CREB5: variants seen among roughly 807,000 people sequenced by gnomAD.
The protein encoded by CREB5 is cyclic AMP-responsive element-binding protein 5.
Under a neutral mutation model 57.1 loss-of-function variants are expected in CREB5, and 19 were observed. That is an observed-to-expected ratio of 0.33 (90% CI 0.23 to 0.49). CREB5 has a LOEUF of 0.49. CREB5 is among the 20% of genes least tolerant of loss of function. CREB5 has a pLI of 0.99. For synonymous variants in CREB5, 238 were observed against 238.3 expected, an observed-to-expected ratio of 1.00 and a Z score of 0.01; for missense variants, 579 against 671.6, an observed-to-expected ratio of 0.86 and a Z score of 1.52.
At chr7:28,425,243 A>G (rs1159623482) in intron 1 of CREB5, among the ~76,000 whole-genome samples, 4 of 152,188 alleles carry the variant, frequency 2.6e-5, no homozygotes, top group African/African-American at 9.7e-5. Context: ...GTGCATCCAT[A>G]TATTGAAAAA....
At chr7:28,327,561 G>T (rs1230679730) in intron 1 of CREB5, among the ~76,000 whole-genome samples, 1 of 152,156 alleles carries the variant, frequency 6.6e-6, no homozygotes, top group Non-Finnish European at 1.5e-5. Flanking sequence ...CTTATTAATA[G>T]CATTACTTAT....
intron 4 of CREB5, among the ~76,000 whole-genome samples, chr7:28,529,878 G>A (rs1004487743): frequency 2.0e-5 from 3 of 152,086 alleles, no homozygotes; most frequent in African/African-American, 4.8e-5. Flanking sequence ...TTTCTTCTAC[G>A]GTGAGGCTAT....
chr7:28,396,687 C>T (rs1418933434), intron 1 of CREB5, among the ~76,000 whole-genome samples: 3 of 152,084 alleles, frequency 2.0e-5, no homozygotes, highest in African/African-American at 2.4e-5. Context: ...TTAGTTTAAT[C>T]ATTTTAATTG....
At chr7:28,437,851 T>C (rs1174030526) in intron 1 of CREB5, among the ~76,000 whole-genome samples, 1 of 152,154 alleles carries the variant, frequency 6.6e-6, no homozygotes, top group East Asian at 1.9e-4. Context: ...CTTTGTATGA[T>C]GTATTTGGAA....
chr7:28,736,417 C>T (rs1051201012), intron 7 of CREB5, among the ~76,000 whole-genome samples: 22 of 152,242 alleles, frequency 1.4e-4, no homozygotes, highest in African/African-American at 4.3e-4. Context: ...GATCCGCCTG[C>T]CTCAGCCTCC....
At chr7:28,411,937 G>A (rs373654420), upstream of CREB5, among the ~76,000 whole-genome samples, 8 of 148,862 alleles carry the variant, frequency 5.4e-5, no homozygotes, top group African/African-American at 1.8e-4. Flanking sequence ...TCTTGTTTGT[G>A]ATGCATAGAC....
At chr7:28,625,968 T>A (rs1230444323) in intron 5 of CREB5, among the ~76,000 whole-genome samples, 1 of 152,248 alleles carries the variant, frequency 6.6e-6, no homozygotes, top group Non-Finnish European at 1.5e-5. Context: ...AGGTACCATA[T>A]GCTTTTCTTC....
chr7:28,402,279 ATTTG>A (rs1320779230), intron 1 of CREB5, among the ~76,000 whole-genome samples: 2 of 151,998 alleles, frequency 1.3e-5, no homozygotes, highest in Admixed American at 1.3e-4. Flanking sequence ...TTTCTTGTAA[ATTTG>A]TTTACGTTCT....
At chr7:28,765,309 A>G (rs1387234315) in intron 7 of CREB5, among the ~76,000 whole-genome samples, 1 of 152,256 alleles carries the variant, frequency 6.6e-6, no homozygotes, top group Non-Finnish European at 1.5e-5. Flanking sequence ...TCAGAAACAT[A>G]AGAGTCTGTA....
intron 3 of CREB5, among the ~76,000 whole-genome samples, chr7:28,507,372 T>C (rs1400359821): frequency 6.6e-6 from 1 of 152,214 alleles, no homozygotes; most frequent in South Asian, 2.1e-4. Context: ...TCTCCTGAAG[T>C]TGTCTGGAGG....
intron 4 of CREB5, among the ~76,000 whole-genome samples, chr7:28,540,978 G>A (rs994659256): frequency 6.6e-6 from 1 of 152,164 alleles, no homozygotes; most frequent in African/African-American, 2.4e-5. Context: ...TTGAATGCTT[G>A]CAACCACCAG....
At chr7:28,310,347 T>G (rs1174511392) in intron 1 of CREB5, among the ~76,000 whole-genome samples, 3 of 152,232 alleles carry the variant, frequency 2.0e-5, no homozygotes, top group African/African-American at 2.4e-5. Context: ...GCACAAAGAT[T>G]AGAAAGCAAC....
At chr7:28,420,927 A>G (rs916955992) in intron 1 of CREB5, among the ~76,000 whole-genome samples, 1 of 152,214 alleles carries the variant, frequency 6.6e-6, no homozygotes, top group African/African-American at 2.4e-5. Flanking sequence ...GGGGGAAAAT[A>G]GAGTGTACAG....
chr7:28,397,913 C>CT (rs1004196108), intron 1 of CREB5, among the ~76,000 whole-genome samples: 8 of 151,860 alleles, frequency 5.3e-5, no homozygotes, highest in African/African-American at 1.2e-4. Context: ...AACCGGGATT[C>CT]TTTTTTTTCA....
intron 5 of CREB5, among the ~76,000 whole-genome samples, chr7:28,678,115 C>T (rs544287183): frequency 6.6e-6 from 1 of 152,330 alleles, no homozygotes; most frequent in South Asian, 2.1e-4. Context: ...AGGCTGGGTG[C>T]AGTGGCTCAC....
At chr7:28,475,346 G>A (rs1791026044) in intron 1 of CREB5, among the ~76,000 whole-genome samples, 1 of 141,384 alleles carries the variant, frequency 7.1e-6, no homozygotes, top group Non-Finnish European at 1.5e-5. Context: ...TGAGGTGGGA[G>A]GATTGCTTGA....
chr7:28,314,297 C>T (rs1785336277), intron 1 of CREB5, among the ~76,000 whole-genome samples: 2 of 152,218 alleles, frequency 1.3e-5, no homozygotes, highest in African/African-American at 4.8e-5. Context: ...GATGAGATGA[C>T]AGTGCCCTCC....
chr7:28,486,649 A>G (rs1238132926), intron 1 of CREB5, among the ~76,000 whole-genome samples: 1 of 89,370 alleles, frequency 1.1e-5, no homozygotes, highest in Non-Finnish European at 2.3e-5. Context: ...TTAAATAACT[A>G]AACGTGTATC....
At chr7:28,612,407 C>T (rs1401449591) in intron 5 of CREB5, among the ~76,000 whole-genome samples, 2 of 151,918 alleles carry the variant, frequency 1.3e-5, no homozygotes, top group Admixed American at 6.6e-5. Flanking sequence ...TAATCACATA[C>T]TCAATTAGGT....
Sources: allele counts gnomAD v4.1 joint callset (sites outside exome capture counted in the v4.1 genomes callset), GRCh38; gene constraint gnomAD v4.1.1; transcripts MANE v1.5; gene names NCBI Gene and HGNC (gene_info 2026-07-23, HGNC 2026-07-21).